TACC2: variants seen among roughly 807,000 people sequenced by gnomAD.
TACC2 encodes the protein transforming acidic coiled-coil containing protein 2, also known as transforming acidic coiled-coil-containing protein 2.
Under a neutral mutation model 227.3 loss-of-function variants are expected in TACC2, and 137 were observed. The observed-to-expected ratio is 0.60, with a 90% CI of 0.52 to 0.69. The LOEUF (loss-of-function observed/expected upper bound fraction) is 0.69, where lower values mean the gene tolerates loss of function less well. Ranked by LOEUF, TACC2 falls within the 30% of genes least tolerant of loss-of-function variation. The probability of loss-of-function intolerance (pLI) is 0.00; values close to 1 mark genes in which losing one functional copy is unlikely to be tolerated. For missense variants in TACC2, 3,470 were observed against 3,694.4 expected (o/e 0.94, Z 1.57); for synonymous variants, 1,523 against 1,487.5 (o/e 1.02, Z -0.55).
rs370393890 is a variant in TACC2, at chr10:122,084,846, C to A, written c.2346C>A (p.Pro782=). ...QEFHAGVPHP[P]QGENLAADLG... The stretch of plus-strand genomic sequence containing the variant: ...TTCATGCTGGGGTGCCACATCCCCC[C>A]CAGGGGGAGAACTTGGCAGCAGACC... The change falls in exon 4 of 23, where the codon CCC becomes CCA. Residue 782 remains proline (P), a synonymous_variant. Coordinates refer to ENST00000369005, the MANE Select transcript of TACC2 (RefSeq NM_206862.4). The A allele has an allele frequency of 2.5e-6, 4 of 1,613,910 alleles. No homozygotes were observed. The South Asian group carries it at 4.4e-5, about 18-fold the overall frequency.
intron 6 of TACC2, among the ~76,000 whole-genome samples, chr10:122,139,631 A>G (rs1343147552): frequency 6.6e-6 from 1 of 152,238 alleles, no homozygotes. Context: ...TGCACTTTGC[A>G]TCTCACCTTC....
intron 11 of TACC2, among the ~76,000 whole-genome samples, chr10:122,223,777 T>G (rs563192197): frequency 1.2e-4 from 18 of 152,332 alleles, no homozygotes; most frequent in South Asian, 4.1e-4. Context: ...GTTGAAAGAT[T>G]AAACTTGATG....
chr10:122,199,441 C>T (rs562992297), intron 8 of TACC2, among the ~76,000 whole-genome samples: 1 of 152,324 alleles, frequency 6.6e-6, no homozygotes, highest in African/African-American at 2.4e-5. Context: ...TCCAAAGAGG[C>T]CATACGTGGG....
intron 2 of TACC2, among the ~76,000 whole-genome samples, chr10:122,029,005 CCCCTCCCCTT>C (rs1565109359): frequency 8.2e-5 from 6 of 73,142 alleles, no homozygotes; most frequent in Non-Finnish European, 1.2e-4. Context: ...CCCCTCCCCT[CCCCTCCCCTT>C]CCCTTCCCGT....
chr10:122,178,926 A>T, intron 7 of TACC2, among the ~76,000 whole-genome samples: 1 of 152,214 alleles, frequency 6.6e-6, no homozygotes, highest in East Asian at 1.9e-4. Flanking sequence ...AGCAATTTAC[A>T]TTACAATTCC....
intron 5 of TACC2, among the ~76,000 whole-genome samples, chr10:122,114,853 G>A (rs912355246): frequency 5.9e-5 from 9 of 152,290 alleles, no homozygotes; most frequent in African/African-American, 1.9e-4. Context: ...TTGTCTCTCC[G>A]TTCCAGCCGT....
rs1399973022 is a variant in TACC2, at chr10:122,084,112, G to A, written c.1612G>A (p.Ala538Thr). Residue 538 changes from alanine to threonine, a missense_variant, in exon 4 of 23, where the codon GCA (alanine) becomes ACA (threonine). Physicochemically the swap from Ala to Thr is moderately conservative, Grantham distance 58 (BLOSUM62 0). Transcript: ENST00000369005. ...AGCACCACCCCCTCCTCTTCCCAAG[G>A]CACCAAGTGAAAGTGCCAGAGGGCC... ...PGAPPPPLPK[A>T]PSESARGPPG... 9.9e-6 allele frequency: 16 copies of A among 1,613,952 alleles called. No individual in the cohort carries two copies. The highest frequency in any genetic ancestry group is 1.4e-5 in the Non-Finnish European group (16 of 1,180,030).
intron 7 of TACC2, among the ~76,000 whole-genome samples, chr10:122,168,679 A>G (rs902870698): frequency 6.6e-6 from 1 of 152,134 alleles, no homozygotes; most frequent in East Asian, 1.9e-4. Context: ...TAGGACTTGG[A>G]TACTGATTGA....
At chr10:122,059,724 A>T (rs1051518301) in intron 3 of TACC2, among the ~76,000 whole-genome samples, 2 of 152,220 alleles carry the variant, frequency 1.3e-5, no homozygotes, top group African/African-American at 4.8e-5. Context: ...CAAATAGAAC[A>T]GAGACACTTT....
chr10:122,108,017 G>C (rs573205005), intron 5 of TACC2, among the ~76,000 whole-genome samples: 1 of 148,028 alleles, frequency 6.8e-6, no homozygotes, highest in East Asian at 2.0e-4. Flanking sequence ...TCAGCCTCCC[G>C]AGTAGCTGGG....
chr10:122,172,537 G>C (rs917697784), intron 7 of TACC2, among the ~76,000 whole-genome samples: 2 of 152,226 alleles, frequency 1.3e-5, no homozygotes, highest in African/African-American at 4.8e-5. Context: ...AAAGGGAGGC[G>C]CCTACAGTGG....
At chr10:122,252,496 CT>C (rs897672750) in intron 22 of TACC2, among the ~76,000 whole-genome samples, 166 of 142,250 alleles carry the variant, frequency 1.2e-3, no homozygotes, top group Admixed American at 1.0e-3. Flanking sequence ...TTTTTTCTTT[CT>C]TTTTTTTTTT....
chr10:122,197,277 C>T (rs12416127), intron 8 of TACC2, among the ~76,000 whole-genome samples: 53,207 of 152,048 alleles, frequency 0.35, 10,882 homozygotes, highest in Middle Eastern at 0.53. Context: ...AACAAACAAA[C>T]AAATGTTTAG....
chr10:122,194,242 C>T lies in TACC2; in HGVS notation c.5835-798C>T, dbSNP rs7071007. On this transcript the variant is annotated intron_variant, in intron 7 of 22. Coordinates refer to ENST00000369005, the MANE Select transcript of TACC2 (RefSeq NM_206862.4). The surrounding 1 kb of genome is among the most constrained non-coding windows in gnomAD (Gnocchi z 4.4). ...CCTGGCCTGTTGGTTCCTCTTCAAC[C>T]CAGGCCAAGGCTTGGCCAGTGGCCT... 0.056 allele frequency among the ~76,000 whole-genome samples: 8,592 copies of T among 152,272 alleles called. 801 individuals carry two copies. Among genetic ancestry groups the T allele is most frequent in the African/African-American group, 0.2 (8,142 of 41,524 alleles).
At chr10:122,115,887 T>C (rs1447046250) in intron 5 of TACC2, among the ~76,000 whole-genome samples, 1 of 152,138 alleles carries the variant, frequency 6.6e-6, no homozygotes, top group East Asian at 1.9e-4. Flanking sequence ...TTTAGGAAGC[T>C]GGCAATAAAA....
intron 3 of TACC2, among the ~76,000 whole-genome samples, chr10:122,060,737 G>A (rs959902856): frequency 4.6e-5 from 7 of 152,256 alleles, no homozygotes; most frequent in Admixed American, 3.9e-4. Context: ...AGGTGCGGTG[G>A]CTCATGTCTG....
intron 5 of TACC2, among the ~76,000 whole-genome samples, chr10:122,116,683 G>A (rs1179965175): frequency 6.6e-6 from 1 of 152,158 alleles, no homozygotes; most frequent in African/African-American, 2.4e-5. Flanking sequence ...TTTTTCATCT[G>A]GTTATGATTA....
chr10:121,996,056 G>A (rs11200312), intron 1 of TACC2, among the ~76,000 whole-genome samples: 4,766 of 151,948 alleles, frequency 0.031, 77 homozygotes, highest in Middle Eastern at 0.1. Context: ...CTGGCTGCCG[G>A]GCCCTTTTCA....
At chr10:122,089,440 T>C (rs1475166495) in intron 5 of TACC2, among the ~76,000 whole-genome samples, 1 of 152,222 alleles carries the variant, frequency 6.6e-6, no homozygotes, top group Non-Finnish European at 1.5e-5. Flanking sequence ...GGAGGGTAAA[T>C]GTAACCACGA....
Sources: gnomAD v4.1 joint callset for allele counts (sites outside exome capture counted in the v4.1 genomes callset) on GRCh38, gnomAD v4.1.1 for gene constraint, Gnocchi (gnomAD v3.1) non-coding constraint, MANE v1.5 for transcripts, NCBI Gene and HGNC (gene_info 2026-07-23, HGNC 2026-07-21) for gene names.